Variants in GDPD2 observed in about 807,000 individuals in gnomAD.
The protein encoded by GDPD2 is glycerophosphodiester phosphodiesterase 3.
GDPD2 carries 23 observed loss-of-function variants against 49.2 expected under a neutral mutation model. The observed-to-expected ratio is 0.47, with a 90% CI of 0.34 to 0.66. The LOEUF (loss-of-function observed/expected upper bound fraction) is 0.66. Ranked by LOEUF, GDPD2 falls within the 30% of genes least tolerant of loss-of-function variation. GDPD2 has a pLI of 0.01. For missense variants in GDPD2, 338 were observed against 424.7 expected, an observed-to-expected ratio of 0.80 and a Z score of 1.79; for synonymous variants, 167 against 171.4, an observed-to-expected ratio of 0.97 and a Z score of 0.20.
At chrX:70,425,503 G>A (rs1339179629) in intron 3 of GDPD2, 46 bp downstream of exon 3, 2 of 905,014 alleles carry the variant, frequency 2.2e-6, no homozygotes, top group Non-Finnish European at 3.2e-6. Context: ...CTGTCAACCT[G>A]CTCCCCACCC....
intron 11 of GDPD2, 28 bp from the exon 12 acceptor site, chrX:70,429,887 C>T (rs2086459769): frequency 8.3e-7 from 1 of 1,209,564 alleles, no homozygotes; most frequent in East Asian, 3.0e-5. Context: ...TCTTCCCCAG[C>T]TTCACACCCA....
chrX:70,425,741 A>G, intron 3 of GDPD2, 22 bp from the exon 4 acceptor site: 1 of 963,772 alleles, frequency 1.0e-6, no homozygotes. Flanking sequence ...CCACTTGGAC[A>G]CCTCCCTCTC....
Position 70,426,693 on chromosome X carries a change from C to T in GDPD2, c.508C>T (p.Leu170Phe), listed in dbSNP as rs767700057. ...TATTGGAGCAGCCGCTGGAATTGCC[C>T]TCCTGGCCTGGCCTGTGGCTGATAC... ...LHIGAAAGIA[L>F]LAWPVADTFY... is the part of the protein sequence containing the mutation. The change falls in exon 7 of 16, where the codon CTC becomes TTC. Residue 170 changes from leucine to phenylalanine, a missense_variant. Transcript: ENST00000374382. The T allele has an allele frequency of 3.3e-6, 4 of 1,207,924 alleles. No individual in the cohort carries two copies. The South Asian group carries it at 7.1e-5, about 21-fold the overall frequency.
In GDPD2 at chrX:70,432,631, T is replaced by G. The variant is rs1204697447; in HGVS notation, c.1508T>G (p.Met503Arg). The G allele has an allele frequency of 8.3e-7, 1 of 1,204,969 alleles. No individual in the cohort carries two copies. Among genetic ancestry groups the G allele is most frequent in the Admixed American group, 2.2e-5 (1 of 46,064 alleles). The part of the protein sequence containing the change: ...IWVITNCVST[M>R]LLLWTFLLQR... The stretch of plus-strand genomic sequence containing the variant: ...GTCATTACCAATTGTGTTTCCACCA[T>G]GCTGCTTTTGTGGACCTTCCTCCTC... The change falls in exon 14 of 16, where the codon ATG (methionine) becomes AGG (arginine). Residue 503 changes from methionine (M) to arginine (R), a missense_variant. Met to Arg is a moderately conservative substitution (Grantham distance 91). Transcript: ENST00000374382.
At position 70,431,095 on chromosome X, in the gene GDPD2, G is replaced by A. The variant is rs181178243; in HGVS notation, c.1307+1032G>A. 1,375 of 1,142,837 alleles carry A rather than the reference G, an allele frequency of 1.2e-3. 15 individuals are homozygous for A. In the East Asian group the frequency reaches 0.033, roughly 27 times the overall value. The allele number at this position is 1,142,837 out of a possible 1,213,427, so 94.2% of individuals were successfully genotyped here. A position where few individuals can be genotyped will look rare whatever the true frequency, so the allele number is the denominator to read the frequency against. ...GAGCCACTGCCCCCCTCAGCCTCCCGGTTATAAGCATGAGCTATCTCACCT... is the reference window on the plus strand; with the variant it reads ...GAGCCACTGCCCCCCTCAGCCTCCCAGTTATAAGCATGAGCTATCTCACCT... On this transcript the variant is annotated intron_variant, in intron 12 of 15. Coordinates refer to ENST00000374382, the MANE Select transcript of GDPD2 (RefSeq NM_017711.4).
At chrX:70,425,512 C>A in intron 3 of GDPD2, 55 bp downstream of exon 3, 1 of 854,216 alleles carries the variant, frequency 1.2e-6, no homozygotes, top group Non-Finnish European at 1.8e-6. Flanking sequence ...TGCTCCCCAC[C>A]CTGGGACCCG....
chrX:70,427,121 C>T lies in GDPD2; in HGVS notation c.703-16C>T. 8.4e-7 allele frequency: 1 copy of T among 1,191,758 alleles called. No individual in the cohort carries two copies. The highest frequency in any genetic ancestry group is 2.2e-5 in the Admixed American group (1 of 46,055). ...CCACCCTTCCCTGCTACCTCATCAC[C>T]TATTCCCTTTCCCAGCTGGCTCCCG... is the stretch of plus-strand genomic sequence containing the variant. On this transcript the variant is annotated splice_polypyrimidine_tract_variant and intron_variant, in intron 8 of 15. Transcript: ENST00000374382.
At chrX:70,432,190 A>G in intron 12 of GDPD2, 117 bp from the exon 13 acceptor site, 1 of 574,466 alleles carries the variant, frequency 1.7e-6, no homozygotes, top group Non-Finnish European at 2.8e-6. Context: ...ATGGAAAGGC[A>G]GAGCTGATAC....
At position 70,429,481 on chromosome X, in the gene GDPD2, T is replaced by A; in HGVS notation, c.937-12T>A. On this transcript the variant is annotated splice_polypyrimidine_tract_variant and intron_variant, in intron 10 of 15. Transcript: ENST00000374382. ...CCTCTTCTGGTCTTGAAATAATTGT[T>A]CTTTCTTATAGAGGCGACCCTTCTG... is the stretch of plus-strand genomic sequence containing the variant. 8.8e-7 allele frequency: 1 copy of A among 1,132,848 alleles called. No individual in the cohort carries two copies. Among genetic ancestry groups the A allele is most frequent in the Non-Finnish European group, 1.2e-6 (1 of 831,027 alleles). 93.4% of individuals were successfully genotyped at this position (1,132,848 alleles called of 1,213,427 possible).
rs373258973 is a variant in GDPD2 at position 70,425,344 on chromosome X, C to T, written c.106-10C>T. On this transcript the variant is annotated splice_polypyrimidine_tract_variant and intron_variant, in intron 2 of 15. Coordinates refer to ENST00000374382, the MANE Select transcript of GDPD2 (RefSeq NM_017711.4). ...TATTGGTTGTGAGTTTCTCTCCTGCCCCTTTGCAGTGCGACTGTATCTGGT... is the reference window on the plus strand; with the variant it reads ...TATTGGTTGTGAGTTTCTCTCCTGCTCCTTTGCAGTGCGACTGTATCTGGT... 1.3e-5 allele frequency: 15 copies of T among 1,121,921 alleles called. No homozygotes were observed. Among genetic ancestry groups the T allele is most frequent in the Non-Finnish European group, 1.7e-5 (14 of 813,058 alleles). 92.5% of individuals were successfully genotyped at this position (1,121,921 alleles called of 1,213,427 possible).
In GDPD2 at chrX:70,433,321, AATG is replaced by A. The variant is rs1009621495; in HGVS notation, c.*237_*239del. ...TGAGATGTTTGGGAAGAGAGTGAGT[AATG>A]AGAAGTTTCTCCTCAAATGAAACTA... On this transcript the variant is annotated 3_prime_UTR_variant, in exon 16 of 16. Transcript: ENST00000374382. The A allele has an allele frequency of 2.4e-6, 1 of 418,314 alleles. No homozygotes were observed. Among genetic ancestry groups the A allele is most frequent in the African/African-American group, 2.5e-5 (1 of 40,314 alleles). 34.5% of individuals were successfully genotyped at this position (418,314 alleles called of 1,213,427 possible).
chrX:70,426,831 C>T, intron 7 of GDPD2, 35 bp from the exon 8 acceptor site: 1 of 1,202,961 alleles, frequency 8.3e-7, no homozygotes, highest in Non-Finnish European at 1.1e-6. Context: ...TCTCCCCTTG[C>T]CCATTCTTGA....
intron 3 of GDPD2, 142 bp from the exon 4 acceptor site, chrX:70,425,618 TCTC>T (rs759762571): frequency 5.4e-5 from 29 of 539,265 alleles, no homozygotes; most frequent in Admixed American, 2.3e-4. Context: ...CTCCACAAAA[TCTC>T]CTCAATCCTT....
In GDPD2 at chrX:70,432,665, A is replaced by G. The variant is rs1267142041; in HGVS notation, c.1538+4A>G. Reference sequence around the variant, plus strand: ...TGTGGACCTTCCTCCTCCAAAGGTGAGTGCTTTGTGCCTCAGCTTTCTGGG... The same window carrying G: ...TGTGGACCTTCCTCCTCCAAAGGTGGGTGCTTTGTGCCTCAGCTTTCTGGG... On this transcript the variant is annotated splice_donor_region_variant and intron_variant, in intron 14 of 15. Transcript: ENST00000374382. 8.5e-7 allele frequency: 1 copy of G among 1,173,551 alleles called. No individual in the cohort carries two copies.
At chrX:70,431,112 A>G in intron 12 of GDPD2, 1 of 1,147,271 alleles carries the variant, frequency 8.7e-7, no homozygotes, top group Non-Finnish European at 1.2e-6. Flanking sequence ...AGCATGAGCT[A>G]TCTCACCTAG....
At chrX:70,427,508 C>T (rs1233873836) in intron 10 of GDPD2, 45 bp downstream of exon 10, 2 of 1,043,618 alleles carry the variant, frequency 1.9e-6, no homozygotes, top group East Asian at 6.0e-5. Context: ...CAGGGACACT[C>T]AGAGAGGGCA....
Position 70,427,128 on chromosome X carries a change from C to T in GDPD2, c.703-9C>T. The T allele has an allele frequency of 8.3e-7, 1 of 1,199,131 alleles. No individual in the cohort carries two copies. The highest frequency in any genetic ancestry group is 1.1e-6 in the Non-Finnish European group (1 of 884,073). ...TCCCTGCTACCTCATCACCTATTCC[C>T]TTTCCCAGCTGGCTCCCGAGAACAC... On this transcript the variant is annotated splice_polypyrimidine_tract_variant and intron_variant, in intron 8 of 15. Coordinates refer to ENST00000374382, the MANE Select transcript of GDPD2 (RefSeq NM_017711.4).
In GDPD2 at chrX:70,424,207, G is replaced by A. The variant is rs890727875; in HGVS notation, c.-9-769G>A. Among the ~76,000 whole-genome samples the A allele has an allele frequency of 9.9e-5, 11 of 111,129 alleles. No homozygotes were observed. The South Asian group carries it at 1.2e-3, about 12-fold the overall frequency. ...CTTAGAGGGTGGGGCTCCTAAAGGC[G>A]AGTCTGGGCTTCTGGTTGGGGTTGG... On this transcript the variant is annotated intron_variant, in intron 1 of 15. Coordinates refer to ENST00000374382, the MANE Select transcript of GDPD2 (RefSeq NM_017711.4).
chrX:70,424,009 A>G (rs2086400211), intron 1 of GDPD2, among the ~76,000 whole-genome samples: 1 of 111,662 alleles, frequency 9.0e-6, no homozygotes, highest in Non-Finnish European at 1.9e-5. Context: ...GCAAATGCTG[A>G]CACAAATCAC....
Sources: allele counts gnomAD v4.1 joint callset (sites outside exome capture counted in the v4.1 genomes callset), GRCh38; gene constraint gnomAD v4.1.1; transcripts MANE v1.5; gene names NCBI Gene and HGNC (gene_info 2026-07-23, HGNC 2026-07-21).